The following TMEM131 variants were observed in gnomAD, a reference collection of about 807,000 sequenced individuals.
TMEM131 encodes the protein 2610524E03Rik.
TMEM131 carries 66 observed loss-of-function variants against 211.6 expected under a neutral mutation model. That is an observed-to-expected ratio of 0.31 (90% CI 0.26 to 0.38). The LOEUF (loss-of-function observed/expected upper bound fraction) is 0.38. TMEM131 is among the 10% of genes least tolerant of loss of function. The pLI, the probability that TMEM131 is intolerant of heterozygous loss-of-function variation, is 1.00. For synonymous variants in TMEM131, 844 were observed against 841.3 expected (o/e 1.00, Z -0.06); for missense variants, 2,036 against 2,299.3 (o/e 0.89, Z 2.34).
Position 97,759,633 on chromosome 2 carries a change from T to A in TMEM131, c.5206+19A>T, listed in dbSNP as rs1167574971. On this transcript the variant is annotated intron_variant, in intron 39 of 40. Coordinates refer to ENST00000186436, the MANE Select transcript of TMEM131 (RefSeq NM_015348.2). ...TGTCCACAGGCTTATTAGTTACACA[T>A]CTAGTGTTAAACACTCACCACCAGT... 3 of 1,581,920 alleles carry A rather than the reference T, an allele frequency of 1.9e-6. No individual in the cohort carries two copies. Among genetic ancestry groups the A allele is most frequent in the Non-Finnish European group, 2.6e-6 (3 of 1,153,338 alleles).
In TMEM131 at chr2:97,801,881, GT is replaced by G; in HGVS notation, c.2718+13del. The G allele has an allele frequency of 6.4e-7, 1 of 1,563,940 alleles. No individual in the cohort carries two copies. Among genetic ancestry groups the G allele is most frequent in the African/African-American group, 1.4e-5 (1 of 73,318 alleles). On this transcript the variant is annotated intron_variant, in intron 25 of 40. Coordinates refer to ENST00000186436, the MANE Select transcript of TMEM131 (RefSeq NM_015348.2). Reference sequence around the variant, plus strand: ...AATAATTTCTTTGGAATAGTATGAAGTTTGAATACTTACACTGTTTCTGAAG... The same window carrying G: ...AATAATTTCTTTGGAATAGTATGAAGTTGAATACTTACACTGTTTCTGAAG...
At chr2:97,909,747 G>A (rs1052631137) in intron 2 of TMEM131, among the ~76,000 whole-genome samples, 1 of 152,162 alleles carries the variant, frequency 6.6e-6, no homozygotes, top group African/African-American at 2.4e-5. Flanking sequence ...ACTAGGTAAA[G>A]TGTAAGGGTG....
intron 1 of TMEM131, among the ~76,000 whole-genome samples, chr2:97,948,908 C>T (rs1214028811): frequency 6.6e-6 from 1 of 152,118 alleles, no homozygotes; most frequent in African/African-American, 2.4e-5. Context: ...CTGCCCGTCT[C>T]GGCCTCCCAA....
intron 11 of TMEM131, among the ~76,000 whole-genome samples, chr2:97,832,017 A>AAAAAAAAG (rs1369813710): frequency 1.0e-4 from 15 of 150,098 alleles, no homozygotes; most frequent in Non-Finnish European, 2.1e-4. Context: ...AAAAAAAAAA[A>AAAAAAAAG]AAAAAAAAAG....
At chr2:97,844,103 A>G in intron 6 of TMEM131, 42 bp downstream of exon 6, 1 of 544,366 alleles carries the variant, frequency 1.8e-6, no homozygotes, top group Non-Finnish European at 2.9e-6. Context: ...GGCAGAGGTA[A>G]TGATTATATT....
chr2:97,761,435 G>A (rs1349291360), intron 36 of TMEM131: 1 of 158,682 alleles, frequency 6.3e-6, no homozygotes, highest in African/African-American at 2.4e-5. Flanking sequence ...ACGCCACGGC[G>A]AGGCACACGG....
chr2:97,774,251 G>A (rs1190041854), intron 32 of TMEM131, among the ~76,000 whole-genome samples: 1 of 152,226 alleles, frequency 6.6e-6, no homozygotes, highest in Non-Finnish European at 1.5e-5. Flanking sequence ...CAAGGATGTG[G>A]CCTTTTGTCC....
chr2:97,799,963 A>G (rs898853801), intron 25 of TMEM131, among the ~76,000 whole-genome samples: 1 of 152,218 alleles, frequency 6.6e-6, no homozygotes, highest in African/African-American at 2.4e-5. Flanking sequence ...ATTAAAAAAA[A>G]TCCATTCTCC....
At chr2:97,882,152 A>C (rs1674962704) in intron 4 of TMEM131, among the ~76,000 whole-genome samples, 2 of 152,204 alleles carry the variant, frequency 1.3e-5, no homozygotes, top group South Asian at 4.1e-4. Context: ...AGAAGTTCAA[A>C]ATTTAGGAAC....
intron 3 of TMEM131, among the ~76,000 whole-genome samples, chr2:97,905,333 A>T (rs1473101837): frequency 6.6e-6 from 1 of 152,118 alleles, no homozygotes; most frequent in Non-Finnish European, 1.5e-5. Context: ...TATCTTTTGA[A>T]CTACTATATT....
At chr2:97,897,621 G>A (rs1056575385) in intron 3 of TMEM131, among the ~76,000 whole-genome samples, 4 of 152,024 alleles carry the variant, frequency 2.6e-5, no homozygotes, top group African/African-American at 9.7e-5. Flanking sequence ...GCATTACCCT[G>A]TTATCACGTT....
intron 1 of TMEM131, among the ~76,000 whole-genome samples, chr2:97,948,391 G>A (rs184042481): frequency 6.6e-6 from 1 of 152,180 alleles, no homozygotes; most frequent in East Asian, 1.9e-4. Flanking sequence ...CAAAAAAGAT[G>A]TGAACAGACA....
At chr2:97,888,205 C>A in intron 3 of TMEM131, 85 bp from the exon 4 acceptor site, 1 of 1,122,004 alleles carries the variant, frequency 8.9e-7, no homozygotes, top group Non-Finnish European at 1.3e-6. Flanking sequence ...TGACTTTTGT[C>A]ATAACAATGC....
chr2:97,934,770 C>T (rs914393517), intron 1 of TMEM131, among the ~76,000 whole-genome samples: 1 of 152,130 alleles, frequency 6.6e-6, no homozygotes, highest in Non-Finnish European at 1.5e-5. Flanking sequence ...ACAGCTTTTC[C>T]AACAAATAGC....
intron 1 of TMEM131, among the ~76,000 whole-genome samples, chr2:97,938,769 T>C (rs1027794325): frequency 1.1e-4 from 16 of 152,298 alleles, no homozygotes; most frequent in South Asian, 2.1e-4. Flanking sequence ...ATTGACCACA[T>C]AGTTGGAAGT....
chr2:97,849,921 T>C (rs1673541800), intron 5 of TMEM131, among the ~76,000 whole-genome samples: 1 of 151,982 alleles, frequency 6.6e-6, no homozygotes, highest in African/African-American at 2.4e-5. Context: ...AACAAAATCT[T>C]GAAATGAAGT....
chr2:97,833,015 A>G (rs1008821092), intron 11 of TMEM131, among the ~76,000 whole-genome samples: 5 of 152,098 alleles, frequency 3.3e-5, no homozygotes, highest in African/African-American at 1.2e-4. Flanking sequence ...CCCATACCTT[A>G]ACTCCAACAA....
rs184894242 is a variant in TMEM131, at chr2:97,757,120, C to T, written c.5631G>A (p.Ser1877=). The T allele has an allele frequency of 2.7e-4, 427 of 1,601,700 alleles. 1 individual carries two copies. In the East Asian group the frequency reaches 7.5e-3, roughly 28 times the overall value. Residue 1877 remains serine, a synonymous_variant, in exon 41 of 41, where the codon TCG becomes TCA. Transcript: ENST00000186436. ...TAATTTAATTCTCGTGAGGAAAGTG[C>T]GAATTAGACCAAGGGTCCGAGCTTC... ...GRRSSDPWSN[S]HFPHEN
At chr2:97,799,348 A>G (rs1165465030) in intron 25 of TMEM131, among the ~76,000 whole-genome samples, 5 of 152,152 alleles carry the variant, frequency 3.3e-5, no homozygotes, top group African/African-American at 1.2e-4. Flanking sequence ...GTGGGATACA[A>G]TGGGAAGTAT....
Sources: gnomAD v4.1 joint callset for allele counts (sites outside exome capture counted in the v4.1 genomes callset) on GRCh38, gnomAD v4.1.1 for gene constraint, MANE v1.5 for transcripts, NCBI Gene and HGNC (gene_info 2026-07-23, HGNC 2026-07-21) for gene names.